The following RNF185 variants were observed in gnomAD, a reference collection of about 807,000 sequenced individuals.
RNF185 encodes E3 ubiquitin-protein ligase RNF185.
A neutral mutation model predicts 24.9 loss-of-function variants in RNF185; 13 were observed. The ratio of observed to expected loss-of-function variants is 0.52; its 90% CI spans 0.34 to 0.83. The LOEUF (loss-of-function observed/expected upper bound fraction) is 0.83, where lower values mean the gene tolerates loss of function less well. Ranked by LOEUF, RNF185 falls within the 40% of genes least tolerant of loss-of-function variation. The pLI is 0.01. For synonymous variants in RNF185, 79 were observed against 90.3 expected (o/e 0.88, Z 0.71); for missense variants, 184 against 244.7 (o/e 0.75, Z 1.65).
At chr22:31,191,912 T>C (rs2048160290) in intron 2 of RNF185, among the ~76,000 whole-genome samples, 2 of 151,906 alleles carry the variant, frequency 1.3e-5, no homozygotes, top group South Asian at 4.2e-4. Context: ...TGGTGTTAGA[T>C]TATAGAAAGG....
intron 1 of RNF185, among the ~76,000 whole-genome samples, chr22:31,173,535 C>G (rs774587585): frequency 6.6e-6 from 1 of 152,046 alleles, no homozygotes; most frequent in African/African-American, 2.4e-5. Context: ...CGCACAAGAA[C>G]AGATCACTGA....
intron 2 of RNF185, among the ~76,000 whole-genome samples, chr22:31,187,831 A>T (rs181879097): frequency 1.1e-4 from 17 of 152,354 alleles, no homozygotes; most frequent in Admixed American, 9.8e-4. Context: ...TGAAGTGTCA[A>T]GGTCGGTGTC....
chr22:31,206,545 T>C lies in RNF185; in HGVS notation c.*1959T>C, dbSNP rs554032168. 1.2e-4 allele frequency: 18 copies of C among 152,204 alleles called. No individual in the cohort carries two copies. Among genetic ancestry groups the C allele is most frequent in the Admixed American group, 9.2e-4 (14 of 15,296 alleles). The allele number at this position is 152,204 out of a possible 1,614,324, so 9.4% of individuals were successfully genotyped here. A position where few individuals can be genotyped will look rare whatever the true frequency, so the allele number is the denominator to read the frequency against. On this transcript the variant is annotated 3_prime_UTR_variant, in exon 7 of 7. Coordinates refer to ENST00000326132, the MANE Select transcript of RNF185 (RefSeq NM_152267.4). ...CAGAAATGGGTTTCCAGAAGAATAA[T>C]GAAAAGTTGTGGGTAGGAAAATGAA...
At chr22:31,186,988 A>G in intron 1 of RNF185, 59 bp from the exon 2 acceptor site, 3 of 1,194,056 alleles carry the variant, frequency 2.5e-6, no homozygotes, top group Admixed American at 2.3e-5. Context: ...GAATGTTGGC[A>G]TGGAAGCTGG....
At chr22:31,165,932 T>C (rs1923895486) in intron 1 of RNF185, among the ~76,000 whole-genome samples, 1 of 152,202 alleles carries the variant, frequency 6.6e-6, no homozygotes, top group Non-Finnish European at 1.5e-5. Flanking sequence ...CTTGGACACA[T>C]ACCTTGAAAC....
chr22:31,182,912 T>TTATTAC, intron 1 of RNF185: 1 of 143,522 alleles, frequency 7.0e-6, no homozygotes, highest in African/African-American at 2.7e-5. Context: ...ATTTTATTTA[T>TTATTAC]TATTATTATT....
chr22:31,185,178 C>T (rs1470411214), intron 1 of RNF185, among the ~76,000 whole-genome samples: 1 of 151,942 alleles, frequency 6.6e-6, no homozygotes, highest in East Asian at 1.9e-4. Context: ...GAAACTGGTG[C>T]CACCAGCATC....
rs1405041443 is a variant in RNF185, at chr22:31,160,225, A to G, written c.-127A>G. 4 of 152,210 alleles carry G rather than the reference A, an allele frequency of 2.6e-5. No individual in the cohort carries two copies. In the South Asian group the frequency reaches 6.3e-4, roughly 24 times the overall value. The allele number at this position is 152,210 out of a possible 1,614,324, so 9.4% of individuals were successfully genotyped here. On this transcript the variant is annotated 5_prime_UTR_variant, in exon 1 of 7. Coordinates refer to ENST00000326132, the MANE Select transcript of RNF185 (RefSeq NM_152267.4). Reference sequence around the variant, plus strand: ...TAGGAGGGGTCGGAGGTCTTACCCAACAGATTGACGCGGCGTTAGTATTGG... The same window carrying G: ...TAGGAGGGGTCGGAGGTCTTACCCAGCAGATTGACGCGGCGTTAGTATTGG...
chr22:31,205,589 C>T lies in RNF185; in HGVS notation c.*1003C>T, dbSNP rs1334229050. 6.6e-6 allele frequency: 1 copy of T among 152,174 alleles called. No individual in the cohort carries two copies. The allele number at this position is 152,174 out of a possible 1,614,324, so 9.4% of individuals were successfully genotyped here. On this transcript the variant is annotated 3_prime_UTR_variant, in exon 7 of 7. Transcript: ENST00000326132. The stretch of plus-strand genomic sequence containing the variant: ...TTTGTCAGGTCAGCCCAACTGCATG[C>T]AAAAGACCACCATCCTCAGAAGCCA...
At position 31,201,165 on chromosome 22, in the gene RNF185, T is replaced by G. The variant is rs1380256188; in HGVS notation, c.364-333T>G. ...AAAGCATGTAGAAGGTGTTACTAGC[T>G]AATGTGGGACTATGGAAAATATCCT... is the stretch of plus-strand genomic sequence containing the variant. On this transcript the variant is annotated intron_variant, in intron 5 of 6. Transcript: ENST00000326132. Among the ~76,000 whole-genome samples, 5 of 152,358 alleles carry G rather than the reference T, an allele frequency of 3.3e-5. No homozygotes were observed. In the East Asian group the frequency reaches 9.6e-4, roughly 29 times the overall value.
intron 2 of RNF185, among the ~76,000 whole-genome samples, chr22:31,190,347 C>T (rs140653453): frequency 0.028 from 4,218 of 152,116 alleles, 82 homozygotes; most frequent in Middle Eastern, 0.044. Flanking sequence ...AGTGCAGTGG[C>T]GTGATCTTGG....
intron 1 of RNF185, among the ~76,000 whole-genome samples, chr22:31,173,418 C>CACACACACACACAG (rs1555881077): frequency 6.6e-6 from 1 of 150,596 alleles, no homozygotes. Flanking sequence ...CACACACAGA[C>CACACACACACACAG]ACACACACAC....
chr22:31,191,985 T>C (rs999142153), intron 2 of RNF185, among the ~76,000 whole-genome samples: 9 of 152,076 alleles, frequency 5.9e-5, no homozygotes, highest in Admixed American at 4.6e-4. Context: ...TTTATGTTTC[T>C]GAGCTTTGGT....
chr22:31,177,656 G>T (rs531429961), intron 1 of RNF185, among the ~76,000 whole-genome samples: 1 of 152,318 alleles, frequency 6.6e-6, no homozygotes, highest in Admixed American at 6.5e-5. Context: ...GCATGCCAGG[G>T]TTCCTGGCAG....
intron 1 of RNF185, among the ~76,000 whole-genome samples, chr22:31,167,593 C>T (rs1924006305): frequency 6.8e-6 from 1 of 146,570 alleles, no homozygotes; most frequent in African/African-American, 2.5e-5. Context: ...TTTATGGAAA[C>T]GTAGGGGGGT....
In RNF185 at chr22:31,162,756, A is replaced by G. The variant is rs1216270137; in HGVS notation, c.-49+2453A>G. On this transcript the variant is annotated intron_variant, in intron 1 of 6. Coordinates refer to ENST00000326132, the MANE Select transcript of RNF185 (RefSeq NM_152267.4). ...TCTGTGAGCTAAGGGTGCTTTTTAC[A>G]TTTTTCTTTCTTTTTTTTTTTTTTT... 4.0e-4 allele frequency among the ~76,000 whole-genome samples: 53 copies of G among 132,390 alleles called. No individual in the cohort carries two copies. The Admixed American group carries it at 4.5e-3, about 11-fold the overall frequency. 86.9% of individuals were successfully genotyped at this position (132,390 alleles called of 152,430 possible).
chr22:31,174,930 G>C (rs569403570), intron 1 of RNF185, among the ~76,000 whole-genome samples: 1 of 152,068 alleles, frequency 6.6e-6, no homozygotes, highest in African/African-American at 2.4e-5. Flanking sequence ...AAAATTAGTT[G>C]GGTGTGGTGG....
intron 2 of RNF185, among the ~76,000 whole-genome samples, chr22:31,188,990 G>T (rs1164630059): frequency 6.7e-6 from 1 of 149,104 alleles, no homozygotes; most frequent in Non-Finnish European, 1.5e-5. Context: ...GCCGGGTGTG[G>T]TGGAGTGCAC....
In RNF185 at chr22:31,197,258, G is replaced by T. The variant is rs573863105; in HGVS notation, c.363+268G>T. The T allele has an allele frequency of 2.7e-5, 9 of 327,658 alleles. No homozygotes were observed. The East Asian group carries it at 6.3e-4, about 23-fold the overall frequency. 20.3% of individuals were successfully genotyped at this position (327,658 alleles called of 1,614,324 possible). On this transcript the variant is annotated intron_variant, in intron 5 of 6. Transcript: ENST00000326132. ...ATCTGTGCGTGTATTTTACAGATGT[G>T]TGTATACTTTTTACAGTTTTTGTTT...
Sources: gnomAD v4.1 joint callset for allele counts (sites outside exome capture counted in the v4.1 genomes callset) on GRCh38, gnomAD v4.1.1 for gene constraint, MANE v1.5 for transcripts, NCBI Gene and HGNC (gene_info 2026-07-23, HGNC 2026-07-21) for gene names.